The following CEBPZOS variants were observed in gnomAD, a reference collection of about 807,000 sequenced individuals.
CEBPZOS encodes the protein CEBPZ opposite strand.
CEBPZOS carries 10 observed loss-of-function variants against 4.8 expected under a neutral mutation model. The observed-to-expected ratio is 2.07, with a 90% CI of 1.28 to 3.52. The LOEUF (loss-of-function observed/expected upper bound fraction) is 3.52, where lower values mean the gene tolerates loss of function less well. CEBPZOS is among the 30% of genes most tolerant of loss of function. CEBPZOS has a pLI of 0.00. For missense variants in CEBPZOS, 98 were observed against 43.6 expected, an observed-to-expected ratio of 2.25 and a Z score of -3.51; for synonymous variants, 25 against 14.2, an observed-to-expected ratio of 1.77 and a Z score of -1.72.
intron 1 of CEBPZOS, 103 bp from the exon 2 acceptor site, chr2:37,199,601 G>A: frequency 1.6e-6 from 1 of 644,746 alleles, no homozygotes; most frequent in Non-Finnish European, 2.9e-6. Context: ...CCCATACAGA[G>A]AAGCCATTCA....
Position 37,201,097 on chromosome 2 carries a change from GTTTTTCCTTAAGTAAAAATAAGTATAA to G in CEBPZOS, c.160+6_160+32del. The G allele has an allele frequency of 1.4e-6, 1 of 714,178 alleles. No homozygotes were observed. Among genetic ancestry groups the G allele is most frequent in the Non-Finnish European group, 2.6e-6 (1 of 384,068 alleles). 44.2% of individuals were successfully genotyped at this position (714,178 alleles called of 1,614,324 possible). On this transcript the variant is annotated splice_donor_region_variant and intron_variant, in intron 3 of 4. Coordinates refer to ENST00000402297, the MANE Select transcript of CEBPZOS (RefSeq NM_001322374.2). Reference sequence around the variant, plus strand: ...AATATCCCTTCATCTTGGAAGGTATGTTTTTCCTTAAGTAAAAATAAGTATAAAACAACTTCTTCAGGTAACCTATAA... The same window carrying G: ...AATATCCCTTCATCTTGGAAGGTATGAACAACTTCTTCAGGTAACCTATAA...
chr2:37,198,171 T>TA (rs145078498), intron 1 of CEBPZOS, among the ~76,000 whole-genome samples: 6,895 of 147,636 alleles, frequency 0.047, 181 homozygotes, highest in Middle Eastern at 0.08. Flanking sequence ...AAAAATAAAA[T>TA]AAAAAAAAAA....
chr2:37,198,634 G>A (rs1677064970), intron 1 of CEBPZOS: 2 of 152,294 alleles, frequency 1.3e-5, no homozygotes, highest in African/African-American at 4.8e-5. Context: ...AGGTTATAAG[G>A]AGGCTGACTA....
chr2:37,213,762 A>C, downstream of CEBPZOS: 1 of 733,274 alleles, frequency 1.4e-6, no homozygotes, highest in Non-Finnish European at 2.2e-6. Context: ...ATTCTTAGCT[A>C]AGTGATTTTT....
chr2:37,207,588 A>G (rs532859700), downstream of CEBPZOS, among the ~76,000 whole-genome samples: 42 of 152,114 alleles, frequency 2.8e-4, 1 homozygote, highest in Non-Finnish European at 4.9e-4. Context: ...GATGGAAATT[A>G]AAATTTTTTG....
At chr2:37,211,228 C>G in intron 4 of CEBPZOS, 1 of 486,708 alleles carries the variant, frequency 2.1e-6, no homozygotes, top group Non-Finnish European at 3.6e-6. Context: ...CTAGCATAGG[C>G]TTGAGGACAG....
intron 1 of CEBPZOS, 146 bp from the exon 2 acceptor site, chr2:37,199,558 A>T (rs149578006): frequency 2.1e-6 from 1 of 481,856 alleles, no homozygotes; most frequent in African/African-American, 1.9e-5. Flanking sequence ...GGATGTCTAA[A>T]CCAAAAAAGT....
At chr2:37,200,864 G>A (rs1386915996) in intron 2 of CEBPZOS, among the ~76,000 whole-genome samples, 184 bp from the exon 3 acceptor site, 5 of 152,198 alleles carry the variant, frequency 3.3e-5, no homozygotes, top group Non-Finnish European at 7.3e-5. Flanking sequence ...GCAACAGGGA[G>A]AGAGATCCTG....
chr2:37,205,519 CT>C (rs1156832091), downstream of CEBPZOS, among the ~76,000 whole-genome samples: 5 of 152,302 alleles, frequency 3.3e-5, no homozygotes, highest in East Asian at 3.9e-4. Flanking sequence ...GGCCCCACCC[CT>C]ATCTCCCTTC....
At chr2:37,214,323 T>C (rs1677814379), downstream of CEBPZOS, among the ~76,000 whole-genome samples, 1 of 152,160 alleles carries the variant, frequency 6.6e-6, no homozygotes, top group Admixed American at 6.6e-5. Flanking sequence ...CCAGATGAGA[T>C]AAGAGGTACT....
downstream of CEBPZOS, among the ~76,000 whole-genome samples, chr2:37,207,393 T>C (rs1677575437): frequency 1.3e-5 from 2 of 152,158 alleles, no homozygotes; most frequent in South Asian, 4.1e-4. Flanking sequence ...GGATAGACCA[T>C]ATGGTAGGCC....
downstream of CEBPZOS, chr2:37,208,885 A>C (rs564897351): frequency 3.4e-4 from 51 of 152,108 alleles, no homozygotes; most frequent in Non-Finnish European, 6.9e-4. Flanking sequence ...CATACCTAGA[A>C]AACCCTAAAG....
chr2:37,201,619 A>T (rs746097203), intron 3 of CEBPZOS, 23 bp from the exon 4 acceptor site: 7 of 695,940 alleles, frequency 1.0e-5, no homozygotes, highest in Non-Finnish European at 1.8e-5. Context: ...GACTTTATAA[A>T]TGAGAGCTAT....
rs1677764179 is a variant in CEBPZOS, at chr2:37,212,773, C to CAA, written c.*3-664_*3-663insAA. 9 of 160,744 alleles carry CAA rather than the reference C, an allele frequency of 5.6e-5. No individual in the cohort carries two copies. In the South Asian group the frequency reaches 1.4e-3, roughly 25 times the overall value. 10.0% of individuals were successfully genotyped at this position (160,744 alleles called of 1,614,324 possible). On this transcript the variant is annotated intron_variant, in intron 4 of 4. Coordinates refer to the CEBPZOS transcript ENST00000397064. ...ACATCTCATGCTTGTAATTCCAGCA[C>CAA]TTTGGGAGGCCGAGGTGGAGTGATC...
At chr2:37,198,466 A>G (rs1677055903) in intron 1 of CEBPZOS, 1 of 152,166 alleles carries the variant, frequency 6.6e-6, no homozygotes, top group Non-Finnish European at 1.5e-5. Flanking sequence ...CTACAAAAGG[A>G]AGGTTATTTG....
At chr2:37,210,688 G>A (rs1677693390) in intron 4 of CEBPZOS, 1 of 245,694 alleles carries the variant, frequency 4.1e-6, no homozygotes. Flanking sequence ...AGTGATGGGT[G>A]CACCAAAATC....
downstream of CEBPZOS, chr2:37,214,812 A>C: frequency 3.3e-6 from 3 of 917,292 alleles, no homozygotes; most frequent in Non-Finnish European, 3.5e-6. Context: ...ATTTCATAAA[A>C]TGAAGCATTT....
chr2:37,201,236 C>G (rs1201368154), intron 3 of CEBPZOS, 144 bp downstream of exon 3: 2 of 599,280 alleles, frequency 3.3e-6, no homozygotes, highest in East Asian at 2.9e-5. Context: ...CTCATCTATT[C>G]TAGTGAGAGG....
rs1677405327 is a variant in CEBPZOS, at chr2:37,203,804, G to A, written c.*1944G>A. ...TCATATAAATGGGATCATATGACAT[G>A]TGGTTTCCTATATCTGACTTTTTTC... On this transcript the variant is annotated 3_prime_UTR_variant, in exon 5 of 5. Transcript: ENST00000402297. 6.6e-6 allele frequency: 1 copy of A among 152,178 alleles called. No individual in the cohort carries two copies. Among genetic ancestry groups the A allele is most frequent in the Non-Finnish European group, 1.5e-5 (1 of 68,044 alleles). 9.4% of individuals were successfully genotyped at this position (152,178 alleles called of 1,614,324 possible).
Sources: allele counts gnomAD v4.1 joint callset (sites outside exome capture counted in the v4.1 genomes callset), GRCh38; gene constraint gnomAD v4.1.1; transcripts MANE v1.5; gene names NCBI Gene and HGNC (gene_info 2026-07-23, HGNC 2026-07-21).